The following ABCB1 variants were observed in gnomAD, a reference collection of about 807,000 sequenced individuals.
The protein encoded by ABCB1 is ATP binding cassette subfamily B member 1, also known as ATP-dependent translocase ABCB1.
A neutral mutation model predicts 142.0 loss-of-function variants in ABCB1; 69 were observed. The observed-to-expected ratio is 0.49, with a 90% CI of 0.40 to 0.59. The LOEUF is 0.59. Among genes scored for constraint, ABCB1 ranks in the 20% least tolerant of loss-of-function variants. ABCB1 has a pLI of 0.00. For missense variants in ABCB1, 1,326 were observed against 1,554.7 expected, an observed-to-expected ratio of 0.85 and a Z score of 2.47; for synonymous variants, 532 against 539.2, an observed-to-expected ratio of 0.99 and a Z score of 0.18.
chr7:87,540,233 C>T (rs1816477696), intron 18 of ABCB1, among the ~76,000 whole-genome samples: 1 of 152,138 alleles, frequency 6.6e-6, no homozygotes, highest in Admixed American at 6.5e-5. Context: ...TAAGTGATTA[C>T]CTACTACTGC....
intron 1 of ABCB1, among the ~76,000 whole-genome samples, chr7:87,644,330 C>G (rs147831762): frequency 6.6e-6 from 1 of 152,310 alleles, no homozygotes; most frequent in East Asian, 1.9e-4. Flanking sequence ...AAGCCATCTC[C>G]TTGTTGATCA....
chr7:87,509,214 A>G, intron 26 of ABCB1, 61 bp downstream of exon 26: 2 of 1,568,318 alleles, frequency 1.3e-6, no homozygotes, highest in Non-Finnish European at 1.8e-6. Context: ...CTTATAAATC[A>G]AACTATAGGC....
intron 1 of ABCB1, among the ~76,000 whole-genome samples, chr7:87,614,056 A>G (rs751596844): frequency 2.0e-5 from 3 of 147,996 alleles, no homozygotes; most frequent in Non-Finnish European, 3.0e-5. Context: ...TAAATATTGT[A>G]TTTTTTTTTT....
At chr7:87,658,295 A>C (rs1387920887) in intron 1 of ABCB1, among the ~76,000 whole-genome samples, 1 of 152,228 alleles carries the variant, frequency 6.6e-6, no homozygotes, top group African/African-American at 2.4e-5. Flanking sequence ...TGGGAGTTAC[A>C]GTGGAAAGAA....
intron 1 of ABCB1, among the ~76,000 whole-genome samples, chr7:87,607,447 T>C (rs976019785): frequency 6.6e-6 from 1 of 152,170 alleles, no homozygotes; most frequent in Non-Finnish European, 1.5e-5. Context: ...GCTAGAGAAA[T>C]GTCCATTAAC....
chr7:87,571,877 A>G (rs1396789107), intron 4 of ABCB1, among the ~76,000 whole-genome samples: 1 of 152,208 alleles, frequency 6.6e-6, no homozygotes, highest in African/African-American at 2.4e-5. Context: ...AGGCCAGCAG[A>G]TAGGGAGAAA....
At chr7:87,507,532 A>T (rs1049179428) in intron 26 of ABCB1, among the ~76,000 whole-genome samples, 2 of 152,140 alleles carry the variant, frequency 1.3e-5, no homozygotes, top group Non-Finnish European at 2.9e-5. Context: ...AGGGTCAATT[A>T]TCTAGTTGGG....
chr7:87,647,490 C>T (rs1823127822), intron 1 of ABCB1, among the ~76,000 whole-genome samples: 1 of 152,126 alleles, frequency 6.6e-6, no homozygotes, highest in Non-Finnish European at 1.5e-5. Context: ...AACATTGCTA[C>T]ATTTTTCTTT....
chr7:87,643,528 G>T (rs1042516052), intron 1 of ABCB1, among the ~76,000 whole-genome samples: 1 of 152,008 alleles, frequency 6.6e-6, no homozygotes, highest in African/African-American at 2.4e-5. Context: ...TTTTTTGGGT[G>T]TGTGGGTGCG....
intron 1 of ABCB1, among the ~76,000 whole-genome samples, chr7:87,649,162 T>C (rs1046295231): frequency 3.3e-5 from 5 of 152,172 alleles, no homozygotes; most frequent in Admixed American, 6.5e-5. Flanking sequence ...AGGGAGTTGT[T>C]TGAGGTGACA....
At chr7:87,661,017 T>G (rs111492562) in intron 1 of ABCB1, among the ~76,000 whole-genome samples, 24 of 152,030 alleles carry the variant, frequency 1.6e-4, no homozygotes, top group Non-Finnish European at 3.2e-4. Context: ...GATGTATTCT[T>G]AATTGTTGAT....
chr7:87,603,100 T>C (rs1283416674), upstream of ABCB1: 1 of 152,204 alleles, frequency 6.6e-6, no homozygotes, highest in Non-Finnish European at 1.5e-5. Context: ...TCTGACAACA[T>C]TAAAGATTTG....
intron 1 of ABCB1, among the ~76,000 whole-genome samples, chr7:87,613,881 C>G (rs1338250393): frequency 6.6e-6 from 1 of 152,058 alleles, no homozygotes; most frequent in Non-Finnish European, 1.5e-5. Context: ...CTTCCCTTAG[C>G]CATAAAACCT....
chr7:87,522,787 A>G (rs4148740), intron 21 of ABCB1, among the ~76,000 whole-genome samples: 19,738 of 152,052 alleles, frequency 0.13, 1,357 homozygotes, highest in African/African-American at 0.17. Context: ...ACATTTCCAT[A>G]TTGTTTTTTT....
chr7:87,536,147 A>G (rs540668756), intron 20 of ABCB1, among the ~76,000 whole-genome samples: 4 of 152,252 alleles, frequency 2.6e-5, no homozygotes, highest in Admixed American at 1.3e-4. Context: ...TTTCTTCAGT[A>G]GCAATTACTG....
chr7:87,504,535 A>G (rs10244116), intron 27 of ABCB1, 86 bp from the exon 28 acceptor site: 41,817 of 1,547,232 alleles, frequency 0.027, 1,885 homozygotes, highest in African/African-American at 0.2. Context: ...TAGGACGGGC[A>G]TGGTGGCTCA....
At position 87,665,470 on chromosome 7, in the gene ABCB1, A is replaced by T. The variant is rs538694766; in HGVS notation, c.-331+47691T>A. Among the ~76,000 whole-genome samples, 10 of 152,250 alleles carry T rather than the reference A, an allele frequency of 6.6e-5. No individual in the cohort carries two copies. The East Asian group carries it at 1.9e-3, about 29-fold the overall frequency. On this transcript the variant is annotated intron_variant, in intron 1 of 28. Coordinates refer to the ABCB1 transcript ENST00000265724. ...ATAAATAGAAATATATCTCATGCTC[A>T]TGGGTTGGAAGAATTTTTATTGTTA...
chr7:87,544,264 T>C lies in ABCB1; in HGVS notation c.2076A>G (p.Ile692Met). 1 of 1,612,876 alleles carries C rather than the reference T, an allele frequency of 6.2e-7. No individual in the cohort carries two copies. Among genetic ancestry groups the C allele is most frequent in the East Asian group, 2.2e-5 (1 of 44,802 alleles). Residue 692 changes from isoleucine (I) to methionine (M), a missense_variant, in exon 17 of 28, where the codon ATA becomes ATG. Ile to Met is a conservative substitution (Grantham distance 10). Coordinates refer to ENST00000622132, the MANE Select transcript of ABCB1 (RefSeq NM_001348946.2). ...TAATCCTCCAAAAGGAAACTGGAGG[T>C]ATACTTTCATCCTAGAAAACACAAA... Reference protein sequence around the residue: ...LSTKEALDESIPPVSFWRIMK... With the variant: ...LSTKEALDESMPPVSFWRIMK...
At chr7:87,647,720 A>G (rs1329434209) in intron 1 of ABCB1, among the ~76,000 whole-genome samples, 1 of 152,178 alleles carries the variant, frequency 6.6e-6, no homozygotes, top group Non-Finnish European at 1.5e-5. Context: ...TTTTGCCACT[A>G]GCTCTTTAGT....
Sources: allele counts gnomAD v4.1 joint callset (sites outside exome capture counted in the v4.1 genomes callset), GRCh38; gene constraint gnomAD v4.1.1; transcripts MANE v1.5; gene names NCBI Gene and HGNC (gene_info 2026-07-23, HGNC 2026-07-21).